MEIS1: variants seen among roughly 807,000 people sequenced by gnomAD.
MEIS1 encodes the protein Meis homeobox 1, also known as homeobox protein Meis1.
MEIS1 carries 5 observed loss-of-function variants against 50.8 expected under a neutral mutation model. That is an observed-to-expected ratio of 0.10 (90% CI 0.05 to 0.21). The LOEUF (loss-of-function observed/expected upper bound fraction) is 0.21. Ranked by LOEUF, MEIS1 falls within the 10% of genes least tolerant of loss-of-function variation. The pLI is 1.00. For synonymous variants in MEIS1, 176 were observed against 179.3 expected, an observed-to-expected ratio of 0.98 and a Z score of 0.15; for missense variants, 318 against 517.3, an observed-to-expected ratio of 0.61 and a Z score of 3.74.
intron 7 of MEIS1, among the ~76,000 whole-genome samples, chr2:66,491,487 G>A (rs1264209801): frequency 2.6e-5 from 4 of 152,138 alleles, no homozygotes; most frequent in African/African-American, 7.2e-5. Flanking sequence ...TAATGGGTGG[G>A]GGCTACTCTG....
rs557215813 is a variant in MEIS1 at position 66,498,031 on chromosome 2, A to G, written c.743-14118A>G. On this transcript the variant is annotated intron_variant, in intron 7 of 12. Transcript: ENST00000272369. ...AAGAAAACAATAGAAAAAAAATGGT[A>G]TGCCATGTTAGGAGAGTGGGTATAG... Among the ~76,000 whole-genome samples, 10 of 152,044 alleles carry G rather than the reference A, an allele frequency of 6.6e-5. No homozygotes were observed. The East Asian group carries it at 1.7e-3, about 27-fold the overall frequency.
chr2:66,460,284 C>T (rs143564772), intron 6 of MEIS1, among the ~76,000 whole-genome samples: 3 of 152,120 alleles, frequency 2.0e-5, no homozygotes, highest in African/African-American at 7.2e-5. Flanking sequence ...ACCATTCTCA[C>T]TCATGGAGGA....
At chr2:66,518,328 T>C (rs1183058880) in intron 8 of MEIS1, among the ~76,000 whole-genome samples, 1 of 152,184 alleles carries the variant, frequency 6.6e-6, no homozygotes, top group African/African-American at 2.4e-5. Context: ...CCAATGGTTG[T>C]TTCACTATAA....
At chr2:66,454,797 A>C (rs1416287248) in intron 6 of MEIS1, 1 of 152,194 alleles carries the variant, frequency 6.6e-6, no homozygotes, top group East Asian at 1.9e-4. Context: ...AACATCAGGT[A>C]TACTGGCATG....
intron 6 of MEIS1, chr2:66,454,724 T>C (rs1258076354): frequency 6.6e-6 from 1 of 152,118 alleles, no homozygotes; most frequent in Non-Finnish European, 1.5e-5. Flanking sequence ...GGAGCACTGA[T>C]ACTAAGTTAC....
chr2:66,507,256 G>A (rs550800717), intron 7 of MEIS1, among the ~76,000 whole-genome samples: 17 of 152,234 alleles, frequency 1.1e-4, no homozygotes, highest in African/African-American at 4.1e-4. Flanking sequence ...TTGAGTCTAG[G>A]TACGTTTTGG....
Position 66,573,451 on chromosome 2 carries a change from T to C in MEIS1, c.*2243T>C, listed in dbSNP as rs535014677. On this transcript the variant is annotated 3_prime_UTR_variant, in exon 13 of 13. Coordinates refer to ENST00000272369, the MANE Select transcript of MEIS1 (RefSeq NM_002398.3). ...AGGATGGGTCGGAGGAGAGAGAGCC[T>C]TAAACTCAAGTCTGACATTCAGGCC... 1 of 152,338 alleles carries C rather than the reference T, an allele frequency of 6.6e-6. No homozygotes were observed. Among genetic ancestry groups the C allele is most frequent in the Non-Finnish European group, 1.5e-5 (1 of 68,034 alleles). 9.4% of individuals were successfully genotyped at this position (152,338 alleles called of 1,614,324 possible).
At chr2:66,476,153 G>A (rs1453668487) in intron 7 of MEIS1, among the ~76,000 whole-genome samples, 1 of 152,138 alleles carries the variant, frequency 6.6e-6, no homozygotes, top group Non-Finnish European at 1.5e-5. Flanking sequence ...GGTTAGAATG[G>A]AGATGCTGAG....
intron 1 of MEIS1, chr2:66,436,875 T>TTG: frequency 1.0e-6 from 1 of 968,298 alleles, no homozygotes; most frequent in African/African-American, 1.8e-5. Flanking sequence ...GAAAGTAGTT[T>TTG]TTTTTTTTTT....
At chr2:66,477,700 G>C (rs183360176) in intron 7 of MEIS1, among the ~76,000 whole-genome samples, 2 of 152,258 alleles carry the variant, frequency 1.3e-5, no homozygotes, top group Admixed American at 6.5e-5. Flanking sequence ...TTCCCCCTTT[G>C]CTTGACAACT....
chr2:66,442,559 T>C (rs1345342025), intron 5 of MEIS1, among the ~76,000 whole-genome samples: 3 of 152,188 alleles, frequency 2.0e-5, no homozygotes, highest in African/African-American at 7.2e-5. Context: ...GGATTTATGA[T>C]AAAGTCACTG....
chr2:66,533,772 C>T (rs1674451104), intron 8 of MEIS1, among the ~76,000 whole-genome samples: 1 of 152,066 alleles, frequency 6.6e-6, no homozygotes, highest in Non-Finnish European at 1.5e-5. Flanking sequence ...GCATGGGGCC[C>T]GTCTATGTGG....
intron 9 of MEIS1, among the ~76,000 whole-genome samples, chr2:66,554,558 G>T (rs764254722): frequency 6.6e-6 from 1 of 152,172 alleles, no homozygotes; most frequent in African/African-American, 2.4e-5. Flanking sequence ...GCAGGGACAG[G>T]TCGCTGCAAT....
chr2:66,446,299 A>C (rs1204830689), intron 6 of MEIS1, among the ~76,000 whole-genome samples: 5 of 152,024 alleles, frequency 3.3e-5, no homozygotes, highest in African/African-American at 1.2e-4. Context: ...TTTAGGCCGC[A>C]CTCCAGGAAG....
At chr2:66,563,180 A>C (rs970802192) in intron 9 of MEIS1, among the ~76,000 whole-genome samples, 1 of 152,190 alleles carries the variant, frequency 6.6e-6, no homozygotes, top group Non-Finnish European at 1.5e-5. Flanking sequence ...CTTTAAACTA[A>C]CATACTTTGT....
chr2:66,530,726 A>T (rs1349211027), intron 8 of MEIS1, among the ~76,000 whole-genome samples: 1 of 152,156 alleles, frequency 6.6e-6, no homozygotes, highest in Non-Finnish European at 1.5e-5. Context: ...AAAAAAAAAA[A>T]ATTAGTACCA....
intron 7 of MEIS1, among the ~76,000 whole-genome samples, chr2:66,489,562 G>A (rs1271613901): frequency 6.6e-6 from 1 of 152,176 alleles, no homozygotes; most frequent in Non-Finnish European, 1.5e-5. Context: ...TGTGGAATAA[G>A]CATGGCATTG....
At chr2:66,443,396 T>C (rs1228549587) in intron 6 of MEIS1, 2 of 237,066 alleles carry the variant, frequency 8.4e-6, no homozygotes, top group Non-Finnish European at 1.6e-5. Context: ...GGAGCATTTT[T>C]CCCCCTTCTA....
intron 9 of MEIS1, among the ~76,000 whole-genome samples, chr2:66,549,635 G>A (rs1674871283): frequency 6.6e-6 from 1 of 152,130 alleles, no homozygotes; most frequent in Admixed American, 6.6e-5. Flanking sequence ...TGTTGAGACA[G>A]TTTTAATACA....
Sources: gnomAD v4.1 joint callset for allele counts (sites outside exome capture counted in the v4.1 genomes callset) on GRCh38, gnomAD v4.1.1 for gene constraint, MANE v1.5 for transcripts, NCBI Gene and HGNC (gene_info 2026-07-23, HGNC 2026-07-21) for gene names.